MARK1: variants seen among roughly 807,000 people sequenced by gnomAD.
The protein encoded by MARK1 is microtubule affinity regulating kinase 1.
In MARK1, 40 loss-of-function variants were observed where a neutral mutation model predicts 96.3. The observed-to-expected ratio is 0.42, with a 90% CI of 0.32 to 0.54. The LOEUF (loss-of-function observed/expected upper bound fraction) is 0.54. Ranked by LOEUF, MARK1 falls within the 20% of genes least tolerant of loss-of-function variation. The pLI, the probability that MARK1 is intolerant of heterozygous loss-of-function variation, is 0.16. For synonymous variants in MARK1, 317 were observed against 341.2 expected (o/e 0.93, Z 0.78); for missense variants, 719 against 984.6 (o/e 0.73, Z 3.61).
At chr1:220,627,097 G>T in intron 9 of MARK1, 1 of 516,402 alleles carries the variant, frequency 1.9e-6, no homozygotes, top group South Asian at 1.5e-5. Flanking sequence ...GATAAACAGC[G>T]ACTGTTTGAG....
intron 1 of MARK1, among the ~76,000 whole-genome samples, chr1:220,557,352 A>T (rs1262150530): frequency 6.6e-6 from 1 of 152,192 alleles, no homozygotes; most frequent in African/African-American, 2.4e-5. Flanking sequence ...AGGCGGGCGG[A>T]TCACTTAAAG....
Position 220,653,213 on chromosome 1 carries a change from G to C in MARK1, c.1849G>C (p.Glu617Gln). ...GSSSRSTFHGEQLRERRSVAY... is the reference protein window; with the variant it reads ...GSSSRSTFHGQQLRERRSVAY... ...CTCAAGCCGAAGCACTTTCCATGGT[G>C]AACAGCTCCGGGAGCGACGCAGCGT... Residue 617 changes from glutamate (E) to glutamine (Q), a missense_variant, in exon 16 of 18, where the codon GAA becomes CAA. Glu to Gln is a conservative substitution (Grantham distance 29). This residue lies in a region of MARK1 where 501 missense variants were observed against 588.3 expected (regional missense o/e 0.85). Coordinates refer to ENST00000366917, the MANE Select transcript of MARK1 (RefSeq NM_018650.5). 1 of 1,614,232 alleles carries C rather than the reference G, an allele frequency of 6.2e-7. No individual in the cohort carries two copies. Among genetic ancestry groups the C allele is most frequent in the Non-Finnish European group, 8.5e-7 (1 of 1,180,046 alleles).
intron 13 of MARK1, among the ~76,000 whole-genome samples, chr1:220,644,923 A>C (rs1261635316): frequency 6.6e-6 from 1 of 152,212 alleles, no homozygotes; most frequent in Non-Finnish European, 1.5e-5. Context: ...GACACAGCTA[A>C]AGTAATGGTA....
At chr1:220,566,371 A>G (rs1663058721) in intron 1 of MARK1, among the ~76,000 whole-genome samples, 1 of 152,218 alleles carries the variant, frequency 6.6e-6, no homozygotes. Flanking sequence ...TTAATAAAGA[A>G]TAATACTGAG....
At chr1:220,548,910 G>A (rs987567327) in intron 1 of MARK1, among the ~76,000 whole-genome samples, 8 of 152,184 alleles carry the variant, frequency 5.3e-5, no homozygotes, top group African/African-American at 1.9e-4. Flanking sequence ...GATAATTTAG[G>A]TAAGTGTTTT....
intron 9 of MARK1, among the ~76,000 whole-genome samples, chr1:220,623,112 A>G (rs1204566709): frequency 6.6e-6 from 1 of 151,926 alleles, no homozygotes. Context: ...ATCGGAGTGG[A>G]TGAGTTTATT....
intron 13 of MARK1, among the ~76,000 whole-genome samples, chr1:220,646,353 G>A (rs1049944357): frequency 1.3e-5 from 2 of 152,050 alleles, no homozygotes; most frequent in African/African-American, 4.8e-5. Flanking sequence ...AGCTAGCAAC[G>A]GAAGTGAGGG....
chr1:220,636,543 T>C (rs1435604881), intron 13 of MARK1, among the ~76,000 whole-genome samples: 1 of 151,860 alleles, frequency 6.6e-6, no homozygotes, highest in East Asian at 1.9e-4. Flanking sequence ...ATTCAGATAA[T>C]AGGTGTTTTG....
intron 13 of MARK1, among the ~76,000 whole-genome samples, chr1:220,641,389 C>T (rs1450046798): frequency 2.0e-5 from 3 of 152,074 alleles, no homozygotes; most frequent in Admixed American, 6.5e-5. Context: ...ACCCTTCTAC[C>T]GTGTGAAATC....
chr1:220,582,939 C>A (rs1306752754), intron 3 of MARK1, among the ~76,000 whole-genome samples: 2 of 152,128 alleles, frequency 1.3e-5, no homozygotes, highest in East Asian at 3.9e-4. Context: ...GAGTGATTTA[C>A]ATGTATGTTG....
At chr1:220,596,743 A>T (rs1339873833) in intron 3 of MARK1, among the ~76,000 whole-genome samples, 3 of 152,176 alleles carry the variant, frequency 2.0e-5, no homozygotes, top group Non-Finnish European at 4.4e-5. Context: ...AACCATTTTA[A>T]GTATACAATT....
intron 3 of MARK1, among the ~76,000 whole-genome samples, chr1:220,598,085 A>T (rs990226115): frequency 6.6e-6 from 1 of 152,146 alleles, no homozygotes; most frequent in African/African-American, 2.4e-5. Context: ...ACACACACAG[A>T]TCATTTGAGT....
chr1:220,663,569 A>G lies in MARK1; in HGVS notation c.*1403A>G, dbSNP rs1669590416. 4 of 152,584 alleles carry G rather than the reference A, an allele frequency of 2.6e-5. No homozygotes were observed. In the South Asian group the frequency reaches 6.2e-4, roughly 24 times the overall value. The allele number at this position is 152,584 out of a possible 1,614,324, so 9.5% of individuals were successfully genotyped here. ...CACACTCCTGAAAAACAGAAAGTGT[A>G]TTCAAATTTTATCAGTTTAAAGAAA... On this transcript the variant is annotated 3_prime_UTR_variant, in exon 18 of 18. Coordinates refer to ENST00000366917, the MANE Select transcript of MARK1 (RefSeq NM_018650.5).
intron 9 of MARK1, among the ~76,000 whole-genome samples, chr1:220,622,955 T>C (rs1193031): frequency 0.84 from 127,247 of 152,188 alleles, 56,912 homozygotes; most frequent in East Asian, 1. Flanking sequence ...GGTTTAATTC[T>C]TTAATTCGTC....
chr1:220,531,312 T>A (rs1248092777), intron 1 of MARK1, among the ~76,000 whole-genome samples: 2 of 152,188 alleles, frequency 1.3e-5, no homozygotes, highest in Non-Finnish European at 2.9e-5. Context: ...GACATATTTT[T>A]AAAAATAGTT....
At position 220,664,407 on chromosome 1, in the gene MARK1, T is replaced by C. The variant is rs1669634966; in HGVS notation, c.*2241T>C. On this transcript the variant is annotated 3_prime_UTR_variant, in exon 18 of 18. Coordinates refer to ENST00000366917, the MANE Select transcript of MARK1 (RefSeq NM_018650.5). Reference sequence around the variant, plus strand: ...GATACCAGGATTTCCTTGGCTTCTGTTGAAATATTATTTGATATGACATCC... The same window carrying C: ...GATACCAGGATTTCCTTGGCTTCTGCTGAAATATTATTTGATATGACATCC... 6.6e-6 allele frequency: 1 copy of C among 152,168 alleles called. No individual in the cohort carries two copies. The highest frequency in any genetic ancestry group is 2.4e-5 in the African/African-American group (1 of 41,386). 9.4% of individuals were successfully genotyped at this position (152,168 alleles called of 1,614,324 possible). A position where few individuals can be genotyped will look rare whatever the true frequency, so the allele number is the denominator to read the frequency against.
At chr1:220,643,829 A>G (rs1380476143) in intron 13 of MARK1, among the ~76,000 whole-genome samples, 1 of 152,258 alleles carries the variant, frequency 6.6e-6, no homozygotes, top group East Asian at 1.9e-4. Context: ...CTAAGCTTCA[A>G]AAATGAAGAA....
At chr1:220,639,375 A>G (rs1483751337) in intron 13 of MARK1, among the ~76,000 whole-genome samples, 2 of 152,200 alleles carry the variant, frequency 1.3e-5, no homozygotes, top group Non-Finnish European at 1.5e-5. Flanking sequence ...ATTTTAATTT[A>G]TTTCACTTAT....
In MARK1 at chr1:220,653,348, CG is replaced by C; in HGVS notation, c.1985del (p.Arg662ProfsTer45). On this transcript the variant is annotated frameshift_variant, in exon 16 of 18. Coordinates refer to ENST00000366917, the MANE Select transcript of MARK1 (RefSeq NM_018650.5). LOFTEE classifies it high-confidence loss of function. ...IISKITSKFV[R>X]RDPSEGEASG... ...AAGCAAAATCACATCCAAATTTGTT[CG>C]CAGGTCAGTACCAATGTACTGTCGT... 6.2e-7 allele frequency: 1 copy of C among 1,614,138 alleles called. No individual in the cohort carries two copies. The highest frequency in any genetic ancestry group is 8.5e-7 in the Non-Finnish European group (1 of 1,180,016).
Sources: allele counts gnomAD v4.1 joint callset (sites outside exome capture counted in the v4.1 genomes callset), GRCh38; gene constraint gnomAD v4.1.1; regional missense constraint gnomAD v4.1.1; transcripts MANE v1.5; gene names NCBI Gene and HGNC (gene_info 2026-07-23, HGNC 2026-07-21).